PSD4: variants seen among roughly 807,000 people sequenced by gnomAD.
PSD4 encodes the protein pleckstrin and Sec7 domain containing 4, also known as PH and SEC7 domain-containing protein 4.
In PSD4, 59 loss-of-function variants were observed where a neutral mutation model predicts 112.5. That is an observed-to-expected ratio of 0.52 (90% confidence interval 0.43 to 0.65). PSD4 has a LOEUF of 0.65. PSD4 is among the 30% of genes least tolerant of loss of function. The probability of loss-of-function intolerance (pLI) is 0.00; values close to 1 mark genes in which losing one functional copy is unlikely to be tolerated. For missense variants in PSD4, 1,267 were observed against 1,352.6 expected (o/e 0.94, Z 0.99); for synonymous variants, 533 against 540.0 (o/e 0.99, Z 0.18).
At chr2:113,200,422 G>A (rs1398932824) in intron 16 of PSD4, among the ~76,000 whole-genome samples, 6 of 152,192 alleles carry the variant, frequency 3.9e-5, no homozygotes, top group African/African-American at 7.2e-5. Flanking sequence ...CGCTGTGCCC[G>A]CATGCAGCCC....
intron 12 of PSD4, among the ~76,000 whole-genome samples, chr2:113,196,959 A>T (rs1688630678): frequency 1.3e-5 from 2 of 152,262 alleles, no homozygotes; most frequent in Non-Finnish European, 2.9e-5. Context: ...GCAAGCACAG[A>T]TTGAATAGGC....
rs928430338 is a variant in PSD4 at position 113,206,521 on chromosome 2, G to T, written c.*5106G>T. 3 of 152,290 alleles carry T rather than the reference G, an allele frequency of 2.0e-5. No homozygotes were observed. The highest frequency in any genetic ancestry group is 2.1e-4 in the South Asian group (1 of 4,832). 9.4% of individuals were successfully genotyped at this position (152,290 alleles called of 1,614,324 possible). On this transcript the variant is annotated 3_prime_UTR_variant, in exon 17 of 17. Coordinates refer to ENST00000245796, the MANE Select transcript of PSD4 (RefSeq NM_012455.3). Reference sequence around the variant, plus strand: ...CTTGCCCCAGTGGCCAGGCCCTTGAGTGGGACTGCCGGGAATTGAGTCCAG... The same window carrying T: ...CTTGCCCCAGTGGCCAGGCCCTTGATTGGGACTGCCGGGAATTGAGTCCAG...
intron 1 of PSD4, among the ~76,000 whole-genome samples, chr2:113,181,932 A>G (rs1688147583): frequency 6.6e-6 from 1 of 152,090 alleles, no homozygotes; most frequent in Non-Finnish European, 1.5e-5. Flanking sequence ...TGGCTCCCAC[A>G]TGCTTTGGTT....
chr2:113,208,348 C>T lies in PSD4; in HGVS notation c.*6933C>T, dbSNP rs1221790909. 6.6e-6 allele frequency: 1 copy of T among 152,248 alleles called. No homozygotes were observed. The highest frequency in any genetic ancestry group is 1.5e-5 in the Non-Finnish European group (1 of 68,048). 9.4% of individuals were successfully genotyped at this position (152,248 alleles called of 1,614,324 possible). The stretch of plus-strand genomic sequence containing the variant: ...CCTGGAATTCTAACTGTCCACAATA[C>T]ATGGCTCCTCAATATATCTTCCTGA... On this transcript the variant is annotated 3_prime_UTR_variant, in exon 17 of 17. Coordinates refer to ENST00000245796, the MANE Select transcript of PSD4 (RefSeq NM_012455.3).
Position 113,209,197 on chromosome 2 carries a change from G to T in PSD4, c.*7782G>T, listed in dbSNP as rs1459585961. The T allele has an allele frequency of 6.6e-6, 1 of 152,154 alleles. No homozygotes were observed. Among genetic ancestry groups the T allele is most frequent in the Non-Finnish European group, 1.5e-5 (1 of 68,032 alleles). 9.4% of individuals were successfully genotyped at this position (152,154 alleles called of 1,614,324 possible). On this transcript the variant is annotated 3_prime_UTR_variant, in exon 17 of 17. Transcript: ENST00000245796. Reference sequence around the variant, plus strand: ...TTCAGTTGACCACTAAGAGACTGAAGGCCAATTCCGGATCAACTTTACAGC... The same window carrying T: ...TTCAGTTGACCACTAAGAGACTGAATGCCAATTCCGGATCAACTTTACAGC...
chr2:113,179,235 G>T (rs1688058447), intron 1 of PSD4, among the ~76,000 whole-genome samples: 1 of 152,172 alleles, frequency 6.6e-6, no homozygotes, highest in Non-Finnish European at 1.5e-5. Flanking sequence ...CAGGCCTCTT[G>T]CCCAGAGAGC....
At chr2:113,177,255 A>G (rs1357686763) in intron 1 of PSD4, among the ~76,000 whole-genome samples, 1 of 152,198 alleles carries the variant, frequency 6.6e-6, no homozygotes, top group Admixed American at 6.5e-5. Context: ...TCATATTATA[A>G]TGATGCTAAT....
At chr2:113,180,602 G>A (rs1294452015) in intron 1 of PSD4, among the ~76,000 whole-genome samples, 6 of 152,086 alleles carry the variant, frequency 3.9e-5, no homozygotes, top group African/African-American at 1.4e-4. Flanking sequence ...GTCGGAGTCC[G>A]GCCCCTGTCA....
chr2:113,193,587 G>A lies in PSD4; in HGVS notation c.2033-5G>A, dbSNP rs756295575. On this transcript the variant is annotated splice_region_variant and splice_polypyrimidine_tract_variant and intron_variant, in intron 8 of 16. Coordinates refer to ENST00000245796, the MANE Select transcript of PSD4 (RefSeq NM_012455.3). The stretch of plus-strand genomic sequence containing the variant: ...TTTCTCTCCACTTACCTATCTCTGG[G>A]GTAGATTCTGTACACACCTTGACAT... 12 of 1,612,602 alleles carry A rather than the reference G, an allele frequency of 7.4e-6. No individual in the cohort carries two copies. The highest frequency in any genetic ancestry group is 1.0e-5 in the Non-Finnish European group (12 of 1,178,622).
chr2:113,182,415 G>A lies in PSD4; in HGVS notation c.-42G>A, dbSNP rs1462366094. The A allele has an allele frequency of 2.8e-5, 42 of 1,520,748 alleles. No homozygotes were observed. The highest frequency in any genetic ancestry group is 3.8e-5 in the Non-Finnish European group (42 of 1,118,910). 94.2% of individuals were successfully genotyped at this position (1,520,748 alleles called of 1,614,324 possible). A position where few individuals can be genotyped will look rare whatever the true frequency, so the allele number is the denominator to read the frequency against. On this transcript the variant is annotated 5_prime_UTR_variant, in exon 2 of 17. Transcript: ENST00000245796. ...TAGTCCACACAGTGAGACCGTGAAA[G>A]CAGATGCTCCGGGGCACTCCTGGGC... is the stretch of plus-strand genomic sequence containing the variant.
intron 5 of PSD4, among the ~76,000 whole-genome samples, chr2:113,187,625 A>G (rs981917765): frequency 6.6e-6 from 1 of 152,174 alleles, no homozygotes; most frequent in Non-Finnish European, 1.5e-5. Context: ...ATGTCACTCA[A>G]TCCAATCTAA....
chr2:113,194,604 G>C (rs1688545597), intron 10 of PSD4, among the ~76,000 whole-genome samples: 1 of 152,200 alleles, frequency 6.6e-6, no homozygotes, highest in Non-Finnish European at 1.5e-5. Context: ...TAGATGTACA[G>C]CTCACTGCAC....
intron 9 of PSD4, 94 bp from the exon 10 acceptor site, chr2:113,193,765 G>A: frequency 1.9e-6 from 3 of 1,560,102 alleles, no homozygotes; most frequent in African/African-American, 1.4e-5. Context: ...TGTGGGCCTG[G>A]GGAGCTGGAA....
In PSD4 at chr2:113,209,230, G is replaced by A. The variant is rs1470544904; in HGVS notation, c.*7815G>A. ...CCGGATCAACTTTACAGCCGCCTAC[G>A]GCCTGCTATACCACCCATGGCATAG... On this transcript the variant is annotated 3_prime_UTR_variant, in exon 17 of 17. Coordinates refer to ENST00000245796, the MANE Select transcript of PSD4 (RefSeq NM_012455.3). The A allele has an allele frequency of 2.6e-5, 4 of 152,114 alleles. No individual in the cohort carries two copies. The highest frequency in any genetic ancestry group is 7.2e-5 in the African/African-American group (3 of 41,410). The allele number at this position is 152,114 out of a possible 1,614,324, so 9.4% of individuals were successfully genotyped here.
In PSD4 at chr2:113,185,896, C is replaced by A. The variant is rs866698642; in HGVS notation, c.1269C>A (p.His423Gln). The change falls in exon 5 of 17, where the codon CAC becomes CAA. Residue 423 changes from histidine to glutamine, a missense_variant. His to Gln is a conservative substitution (Grantham distance 24, BLOSUM62 0). Transcript: ENST00000245796. ...CCTCAGATGAGAGGGAGGGTGGACA[C>A]CCCCAGGAATCTCTTCCCTGCACCT... is the stretch of plus-strand genomic sequence containing the variant. ...SQDRDEREGG[H>Q]PQESLPCTLA... is the part of the protein sequence containing the mutation. 1.2e-6 allele frequency: 2 copies of A among 1,612,030 alleles called. No individual in the cohort carries two copies. The highest frequency in any genetic ancestry group is 1.3e-5 in the African/African-American group (1 of 75,018).
rs41279746 is a variant in PSD4 at position 113,195,889 on chromosome 2, G to C, written c.2225+119G>C. The stretch of plus-strand genomic sequence containing the variant: ...TCAGATAGTGCTCCCCTTGGAGTGA[G>C]GCAAAGCCAGAGGCAGGGCTCTGGG... On this transcript the variant is annotated intron_variant, in intron 11 of 16. Transcript: ENST00000245796. The C allele has an allele frequency of 2.5e-3, 3,516 of 1,392,886 alleles. 5 individuals carry two copies. The highest frequency in any genetic ancestry group is 6.8e-3 in the Middle Eastern group (38 of 5,556). 86.3% of individuals were successfully genotyped at this position (1,392,886 alleles called of 1,614,324 possible). A position where few individuals can be genotyped will look rare whatever the true frequency, so the allele number is the denominator to read the frequency against.
In PSD4 at chr2:113,185,431, C is replaced by T; in HGVS notation, c.1240C>T (p.Gln414Ter). The change falls in exon 4 of 17, where the codon CAG becomes TAG. Residue 414 changes from glutamine (Q) to a stop codon, truncating the protein, a stop_gained. Transcript: ENST00000245796. LOFTEE classifies it high-confidence loss of function. ...TTGGCCCCAGGTGACTCTTAACTCC[C>T]AGGACAGAGGTGAGCCCTAATAAGG... Reference protein sequence around the residue: ...PFWPQVTLNSQDRDEREGGHP... With the variant: ...PFWPQVTLNS 2 of 1,614,184 alleles carry T rather than the reference C, an allele frequency of 1.2e-6. No individual in the cohort carries two copies. Among genetic ancestry groups the T allele is most frequent in the Non-Finnish European group, 1.7e-6 (2 of 1,180,032 alleles).
rs752549102 is a variant in PSD4 at position 113,201,138 on chromosome 2, G to C, written c.2914-20G>C. The C allele has an allele frequency of 8.8e-6, 14 of 1,594,564 alleles. No individual in the cohort carries two copies. Among genetic ancestry groups the C allele is most frequent in the Non-Finnish European group, 1.2e-5 (14 of 1,168,660 alleles). ...CTGGAGCCAGGATGGTGCTAAGGTG[G>C]TGGGGCCTGTGTGTTGCAGAAAACC... On this transcript the variant is annotated intron_variant, in intron 16 of 16. Transcript: ENST00000245796.
chr2:113,186,173 G>A lies in PSD4; in HGVS notation c.1546G>A (p.Glu516Lys), dbSNP rs777833729. Residue 516 changes from glutamate to lysine, a missense_variant, in exon 5 of 17, where the codon GAG (glutamate) becomes AAG (lysine). This residue lies in a region of PSD4 where 723 missense variants were observed against 704.0 expected (regional missense o/e 1.03). Coordinates refer to ENST00000245796, the MANE Select transcript of PSD4 (RefSeq NM_012455.3). ...KEAGEAPKPG[E>K]EVKSEGTARP... ...GGCAGGGGAGGCCCCAAAACCAGGC[G>A]AGGAAGTAAAGAGTGAAGGAACAGC... is the stretch of plus-strand genomic sequence containing the variant. 26 of 1,613,950 alleles carry A rather than the reference G, an allele frequency of 1.6e-5. No homozygotes were observed. The highest frequency in any genetic ancestry group is 1.9e-5 in the Non-Finnish European group (23 of 1,180,026).
Sources: allele counts gnomAD v4.1 joint callset (sites outside exome capture counted in the v4.1 genomes callset), GRCh38; gene constraint gnomAD v4.1.1; regional missense constraint gnomAD v4.1.1; transcripts MANE v1.5; gene names NCBI Gene and HGNC (gene_info 2026-07-23, HGNC 2026-07-21).